Variants in FBXO36 observed in about 807,000 individuals in gnomAD.
FBXO36 encodes F-box only protein 36.
Under a neutral mutation model 17.0 loss-of-function variants are expected in FBXO36, and 18 were observed. That is an observed-to-expected ratio of 1.06 (90% CI 0.73 to 1.57). The LOEUF (loss-of-function observed/expected upper bound fraction) is 1.57, where lower values mean the gene tolerates loss of function less well. FBXO36 is among the 40% of genes most tolerant of loss of function. The probability of loss-of-function intolerance (pLI) is 0.00; values close to 1 mark genes in which losing one functional copy is unlikely to be tolerated. For missense variants in FBXO36, 229 were observed against 221.9 expected, an observed-to-expected ratio of 1.03 and a Z score of -0.20; for synonymous variants, 83 against 85.3, an observed-to-expected ratio of 0.97 and a Z score of 0.15.
chr2:229,928,951 C>T (rs542960740), intron 1 of FBXO36, among the ~76,000 whole-genome samples: 55 of 142,106 alleles, frequency 3.9e-4, no homozygotes, highest in Non-Finnish European at 6.2e-4. Context: ...TGTCTAGAAA[C>T]TTCTGACCTT....
intron 1 of FBXO36, among the ~76,000 whole-genome samples, chr2:229,924,218 G>T (rs1298372169): frequency 6.6e-6 from 1 of 151,964 alleles, no homozygotes; most frequent in Non-Finnish European, 1.5e-5. Flanking sequence ...TCAGCCCCCC[G>T]AGTAACTGGG....
At chr2:230,000,470 C>T (rs571530654) in intron 3 of FBXO36, among the ~76,000 whole-genome samples, 15 of 151,478 alleles carry the variant, frequency 9.9e-5, no homozygotes, top group East Asian at 1.9e-4. Context: ...AAAGTTTCTG[C>T]GCTGTTGCAG....
At chr2:229,965,094 T>A (rs913565083) in intron 1 of FBXO36, among the ~76,000 whole-genome samples, 13 of 151,870 alleles carry the variant, frequency 8.6e-5, no homozygotes, top group Admixed American at 7.9e-4. Flanking sequence ...TTTTTCCATC[T>A]AGGACTTATA....
chr2:229,972,211 C>G lies in FBXO36; in HGVS notation c.97-4030C>G, dbSNP rs189929581. ...GTTTCACCATGTTGGACAGGCCTGT[C>G]TCAGTTGAACTCCTGACCTCAGGTG... On this transcript the variant is annotated intron_variant, in intron 1 of 3. Transcript: ENST00000283946. 6.7e-5 allele frequency among the ~76,000 whole-genome samples: 10 copies of G among 150,290 alleles called. No homozygotes were observed. The East Asian group carries it at 2.0e-3, about 30-fold the overall frequency.
intron 1 of FBXO36, among the ~76,000 whole-genome samples, chr2:229,930,351 ATAAT>A (rs1248684168): frequency 6.6e-6 from 1 of 152,176 alleles, no homozygotes; most frequent in Non-Finnish European, 1.5e-5. Flanking sequence ...TTACAGAAAA[ATAAT>A]TACTTTCCTC....
intron 2 of FBXO36, chr2:229,977,190 G>A (rs1477655786): frequency 2.0e-5 from 3 of 151,878 alleles, no homozygotes; most frequent in Non-Finnish European, 4.4e-5. Context: ...TAGAGCCAGG[G>A]TCTCACTATG....
intron 1 of FBXO36, among the ~76,000 whole-genome samples, chr2:229,925,334 T>C (rs996444586): frequency 3.3e-5 from 5 of 152,182 alleles, no homozygotes; most frequent in Admixed American, 1.3e-4. Context: ...CAAAAAAATA[T>C]ACTTTTCAGT....
intron 1 of FBXO36, among the ~76,000 whole-genome samples, chr2:229,933,405 T>C (rs988827092): frequency 2.0e-5 from 3 of 151,964 alleles, no homozygotes; most frequent in East Asian, 1.9e-4. Context: ...CTCTCTCATA[T>C]ACACACACAC....
At chr2:229,923,188 G>A (rs1477566296) in intron 1 of FBXO36, 1 of 152,380 alleles carries the variant, frequency 6.6e-6, no homozygotes, top group Non-Finnish European at 1.5e-5. Context: ...TGTGCGGGTG[G>A]TGGTATAAAA....
intron 1 of FBXO36, among the ~76,000 whole-genome samples, chr2:229,930,183 A>T (rs768929911): frequency 6.6e-6 from 1 of 152,114 alleles, no homozygotes; most frequent in Non-Finnish European, 1.5e-5. Flanking sequence ...CCCCTTCTCT[A>T]TTTTTAAAAA....
At chr2:230,005,325 T>A (rs2077381473) in intron 3 of FBXO36, among the ~76,000 whole-genome samples, 1 of 152,124 alleles carries the variant, frequency 6.6e-6, no homozygotes, top group African/African-American at 2.4e-5. Flanking sequence ...TGGTCTCGAA[T>A]CTTGGGCTCA....
Position 229,976,218 on chromosome 2 carries a change from T to C in FBXO36, c.97-23T>C, listed in dbSNP as rs777011000. 4 of 1,542,168 alleles carry C rather than the reference T, an allele frequency of 2.6e-6. No homozygotes were observed. The South Asian group carries it at 4.8e-5, about 18-fold the overall frequency. ...TAGTATTGAAATCAATTTTAATTCA[T>C]ATCACTTTGTATTTAATTATAGGTA... On this transcript the variant is annotated intron_variant, in intron 1 of 3. Transcript: ENST00000283946.
intron 2 of FBXO36, among the ~76,000 whole-genome samples, chr2:229,978,350 A>G (rs1256175011): frequency 3.9e-5 from 6 of 152,050 alleles, no homozygotes; most frequent in African/African-American, 1.4e-4. Flanking sequence ...CGGAAGGCCA[A>G]GGTGGGCAGA....
intron 1 of FBXO36, among the ~76,000 whole-genome samples, chr2:229,961,665 C>T (rs912407653): frequency 2.6e-5 from 4 of 152,136 alleles, no homozygotes; most frequent in Admixed American, 6.6e-5. Flanking sequence ...TGAGCCACTG[C>T]GCCCAGCCAC....
chr2:229,937,519 A>T (rs1395829178), intron 1 of FBXO36, among the ~76,000 whole-genome samples: 1 of 152,160 alleles, frequency 6.6e-6, no homozygotes, highest in South Asian at 2.1e-4. Context: ...TAATTTAAAA[A>T]ATAATAAAAA....
At chr2:229,999,163 G>C (rs966748939) in intron 3 of FBXO36, among the ~76,000 whole-genome samples, 5 of 115,478 alleles carry the variant, frequency 4.3e-5, no homozygotes, top group Non-Finnish European at 5.2e-5. Context: ...GTCTTTCTCT[G>C]TCGCCCAGGC....
At chr2:229,996,404 C>G (rs2077327624) in intron 2 of FBXO36, among the ~76,000 whole-genome samples, 1 of 152,108 alleles carries the variant, frequency 6.6e-6, no homozygotes, top group Non-Finnish European at 1.5e-5. Flanking sequence ...ACATAGCTGC[C>G]TGCTTGGAGG....
intron 3 of FBXO36, among the ~76,000 whole-genome samples, chr2:229,998,660 A>G (rs1263230176): frequency 1.3e-5 from 2 of 151,436 alleles, no homozygotes; most frequent in Non-Finnish European, 2.9e-5. Context: ...GTGTCATGGC[A>G]TGCCCCTGTA....
At chr2:229,926,310 A>G (rs1408746298) in intron 1 of FBXO36, among the ~76,000 whole-genome samples, 1 of 151,774 alleles carries the variant, frequency 6.6e-6, no homozygotes, top group African/African-American at 2.4e-5. Context: ...GCACGCCTGT[A>G]GTCCTAGCTA....
Sources: allele counts gnomAD v4.1 joint callset (sites outside exome capture counted in the v4.1 genomes callset), GRCh38; gene constraint gnomAD v4.1.1; transcripts MANE v1.5; gene names NCBI Gene and HGNC (gene_info 2026-07-23, HGNC 2026-07-21).